Variants in SPTA1 observed in about 807,000 individuals in gnomAD.
SPTA1 encodes the protein spectrin alpha chain, erythrocytic 1.
A neutral mutation model predicts 324.7 loss-of-function variants in SPTA1; 177 were observed. That is an observed-to-expected ratio of 0.55 (90% CI 0.48 to 0.62). The LOEUF is 0.62. Among genes scored for constraint, SPTA1 ranks in the 20% least tolerant of loss-of-function variants. The pLI is 0.00. For missense variants in SPTA1, 3,162 were observed against 2,883.6 expected (o/e 1.10, Z -2.21); for synonymous variants, 1,195 against 1,041.3 (o/e 1.15, Z -2.84).
intron 39 of SPTA1, among the ~76,000 whole-genome samples, chr1:158,633,744 C>G (rs1384455635): frequency 6.6e-6 from 1 of 151,606 alleles, no homozygotes; most frequent in Admixed American, 6.6e-5. Flanking sequence ...TGATAGGAAG[C>G]CTTAAAATGC....
At chr1:158,678,574 G>C in intron 5 of SPTA1, 40 bp from the exon 6 acceptor site, 1 of 1,606,316 alleles carries the variant, frequency 6.2e-7, no homozygotes. Context: ...ACAGAGATGA[G>C]ATTATATTTA....
At chr1:158,671,264 T>C (rs978442406) in intron 12 of SPTA1, 79 bp downstream of exon 12, 17 of 995,784 alleles carry the variant, frequency 1.7e-5, no homozygotes, top group East Asian at 2.5e-5. Context: ...ACAGGAGCAA[T>C]GCTGTCTGGG....
Position 158,666,482 on chromosome 1 carries a change from T to C in SPTA1, c.2054A>G (p.Glu685Gly). 1.9e-6 allele frequency: 3 copies of C among 1,609,536 alleles called. No individual in the cohort carries two copies. The highest frequency in any genetic ancestry group is 2.5e-6 in the Non-Finnish European group (3 of 1,179,950). ...TTCAAATTGCAGCTGCTGGTTGGCCTCATGCAACTGGGTCCCTGGGAGAAG... is the reference window on the plus strand; with the variant it reads ...TTCAAATTGCAGCTGCTGGTTGGCCCCATGCAACTGGGTCCCTGGGAGAAG... ...ATKQKGTQLH[E>G]ANQQLQFENN... The change falls in exon 16 of 52, where the codon GAG becomes GGG. Residue 685 changes from glutamate (E) to glycine (G), a missense_variant. Glu to Gly is a moderately conservative substitution (Grantham distance 98). Coordinates refer to ENST00000643759, the MANE Select transcript of SPTA1 (RefSeq NM_003126.4).
rs1012616361 is a variant in SPTA1 at position 158,639,600 on chromosome 1, T to C, written c.4962A>G (p.Arg1654=). 1.9e-6 allele frequency: 3 copies of C among 1,613,754 alleles called. No homozygotes were observed. The highest frequency in any genetic ancestry group is 2.5e-6 in the Non-Finnish European group (3 of 1,179,884). The change falls in exon 35 of 52, where the codon AGA becomes AGG. Residue 1654 remains arginine, a synonymous_variant. Coordinates refer to ENST00000643759, the MANE Select transcript of SPTA1 (RefSeq NM_003126.4). ...NLLKKHQLLE[R]EMLAREDALK... ...TACTTACCTCTCGAGCCAACATCTCTCTCTCCAATAGCTGATGCTTCTTGA... is the reference window on the plus strand; with the variant it reads ...TACTTACCTCTCGAGCCAACATCTCCCTCTCCAATAGCTGATGCTTCTTGA...
chr1:158,634,401 T>C (rs1329203561), intron 39 of SPTA1, 142 bp downstream of exon 39: 3 of 1,294,700 alleles, frequency 2.3e-6, no homozygotes, highest in Non-Finnish European at 3.3e-6. Flanking sequence ...TTTTTCGTAT[T>C]TAAAACTGTC....
In SPTA1 at chr1:158,639,870, C is replaced by T; in HGVS notation, c.4875G>A (p.Glu1625=). The change falls in exon 34 of 52, where the codon GAG becomes GAA. Residue 1625 remains glutamate, a splice_region_variant and synonymous_variant. Coordinates refer to ENST00000643759, the MANE Select transcript of SPTA1 (RefSeq NM_003126.4). ...SIRDFEFWLS[E]AETLLAMKDQ... ...CTCTACTGTTTCCGGGTGCAATTAC[C>T]TCTGAGAGCCAGAACTCAAAGTCCC... 6.2e-7 allele frequency: 1 copy of T among 1,613,914 alleles called. No homozygotes were observed. The highest frequency in any genetic ancestry group is 1.1e-5 in the South Asian group (1 of 91,070).
In SPTA1 at chr1:158,610,945, G is replaced by A. The variant is rs561434223; in HGVS notation, c.*319C>T. ...AAAAGAATTACTTTATTCTATAATC[G>A]GAATAAAGCAAAATGATAAAGACGT... is the stretch of plus-strand genomic sequence containing the variant. On this transcript the variant is annotated 3_prime_UTR_variant, in exon 52 of 52. Transcript: ENST00000643759. 6.1e-5 allele frequency: 15 copies of A among 247,264 alleles called. No homozygotes were observed. Among genetic ancestry groups the A allele is most frequent in the Middle Eastern group, 1.5e-3 (1 of 686 alleles). The allele number at this position is 247,264 out of a possible 1,614,324, so 15.3% of individuals were successfully genotyped here. A position where few individuals can be genotyped will look rare whatever the true frequency, so the allele number is the denominator to read the frequency against.
Position 158,653,333 on chromosome 1 carries a change from T to G in SPTA1, c.3129A>C (p.Pro1043=), listed in dbSNP as rs780137333. The G allele has an allele frequency of 6.2e-7, 1 of 1,614,108 alleles. No individual in the cohort carries two copies. Among genetic ancestry groups the G allele is most frequent in the Non-Finnish European group, 8.5e-7 (1 of 1,180,006 alleles). ...RLAHDEFPML[P]QRRREEPGNI... is the part of the protein sequence containing the mutation. ...TTCCTGGCTCTTCTCGTCGCCGCTG[T>G]GGGAGCATCGGGAACTCATCGTGGG... Residue 1043 remains proline, a synonymous_variant, in exon 22 of 52, where the codon CCA becomes CCC. Transcript: ENST00000643759.
At chr1:158,676,356 C>A in intron 7 of SPTA1, 61 bp from the exon 8 acceptor site, 1 of 1,581,378 alleles carries the variant, frequency 6.3e-7, no homozygotes, top group East Asian at 2.2e-5. Context: ...CCTGGCAAAG[C>A]TTTGTGGGAG....
chr1:158,637,992 C>A (rs202022521), intron 36 of SPTA1, 41 bp downstream of exon 36: 48 of 1,601,028 alleles, frequency 3.0e-5, no homozygotes, highest in Non-Finnish European at 3.8e-5. Flanking sequence ...ATTATCTACT[C>A]GCTTGTATTA....
Position 158,612,891 on chromosome 1 carries a change from T to C in SPTA1, c.7060A>G (p.Ser2354Gly), listed in dbSNP as rs140630986. The change falls in exon 51 of 52, where the codon AGT becomes GGT. Residue 2354 changes from serine (S) to glycine (G), a missense_variant. Transcript: ENST00000643759. ...TGGAAGGCATTCTCTATTTCATCACTGGACTTGATGTTTTCTGACTCCTTG... is the reference window on the plus strand; with the variant it reads ...TGGAAGGCATTCTCTATTTCATCACCGGACTTGATGTTTTCTGACTCCTTG... ...IDKESENIKS[S>G]DEIENAFQAL... 3 of 1,613,906 alleles carry C rather than the reference T, an allele frequency of 1.9e-6. No homozygotes were observed. Among genetic ancestry groups the C allele is most frequent in the African/African-American group, 2.7e-5 (2 of 75,044 alleles).
rs1166227316 is a variant in SPTA1 at position 158,685,254 on chromosome 1, C to G, written c.118G>C (p.Glu40Gln). ...EVLTRYQSFK[E>Q]RVAERGQKLE... ...TTCTGACCCCTCTCAGCGACCCGCT[C>G]CTTGAAACTTTGATACCGAGTCAAC... The change falls in exon 2 of 52, where the codon GAG becomes CAG. Residue 40 changes from glutamate to glutamine, a missense_variant. Physicochemically the swap from Glu to Gln is conservative, Grantham distance 29 (BLOSUM62 2). Coordinates refer to ENST00000643759, the MANE Select transcript of SPTA1 (RefSeq NM_003126.4). The G allele has an allele frequency of 5.6e-6, 9 of 1,613,630 alleles. No homozygotes were observed. Among genetic ancestry groups the G allele is most frequent in the Non-Finnish European group, 5.1e-6 (6 of 1,179,808 alleles).
At position 158,662,831 on chromosome 1, in the gene SPTA1, T is replaced by G. The variant is rs765542759; in HGVS notation, c.2335A>C (p.Lys779Gln). 6.2e-7 allele frequency: 1 copy of G among 1,614,102 alleles called. No homozygotes were observed. Among genetic ancestry groups the G allele is most frequent in the Non-Finnish European group, 8.5e-7 (1 of 1,179,986 alleles). The change falls in exon 17 of 52, where the codon AAA becomes CAA. Residue 779 changes from lysine (K) to glutamine (Q), a missense_variant. Physicochemically the swap from Lys to Gln is moderately conservative, Grantham distance 53 (BLOSUM62 1). Coordinates refer to ENST00000643759, the MANE Select transcript of SPTA1 (RefSeq NM_003126.4). Reference protein sequence around the residue: ...ESLVCRFEALKEPLATRKKKL... With the variant: ...ESLVCRFEALQEPLATRKKKL... ...TTCTTTCGGGTGGCCAGTGGCTCTT[T>G]CAGAGCTTCAAATCGGCATACCAAG...
chr1:158,642,258 A>T (rs535398587), intron 33 of SPTA1, among the ~76,000 whole-genome samples, 153 bp downstream of exon 33: 21 of 152,246 alleles, frequency 1.4e-4, no homozygotes, highest in African/African-American at 5.1e-4. Context: ...ATGTATACAT[A>T]TGTAACAAAC....
At chr1:158,681,421 A>G in intron 4 of SPTA1, 106 bp downstream of exon 4, 3 of 1,573,918 alleles carry the variant, frequency 1.9e-6, no homozygotes, top group Non-Finnish European at 2.6e-6. Flanking sequence ...CAAAGCCAGG[A>G]ACAGACATCC....
chr1:158,657,509 T>C lies in SPTA1; in HGVS notation c.2773A>G (p.Thr925Ala), dbSNP rs961789799. ...GCTTCTTCATCAGCACCATAGTTAGTATTATCTACAATAGGTTCCTTCTCT... is the reference window on the plus strand; with the variant it reads ...GCTTCTTCATCAGCACCATAGTTAGCATTATCTACAATAGGTTCCTTCTCT... Reference protein sequence around the residue: ...IREKEPIVDNTNYGADEEAAG... With the variant: ...IREKEPIVDNANYGADEEAAG... Residue 925 changes from threonine to alanine, a missense_variant, in exon 19 of 52, where the codon ACT (threonine) becomes GCT (alanine). Physicochemically the swap from Thr to Ala is moderately conservative, Grantham distance 58 (BLOSUM62 0). Coordinates refer to ENST00000643759, the MANE Select transcript of SPTA1 (RefSeq NM_003126.4). 6.2e-7 allele frequency: 1 copy of C among 1,613,986 alleles called. No individual in the cohort carries two copies. The highest frequency in any genetic ancestry group is 8.5e-7 in the Non-Finnish European group (1 of 1,179,944).
chr1:158,643,217 C>G, intron 31 of SPTA1, 105 bp downstream of exon 31: 1 of 1,380,302 alleles, frequency 7.2e-7, no homozygotes, highest in Non-Finnish European at 1.0e-6. Flanking sequence ...GTTTTAGTCA[C>G]CTAGAAATGA....
intron 24 of SPTA1, among the ~76,000 whole-genome samples, 164 bp downstream of exon 24, chr1:158,651,203 A>C (rs1652403997): frequency 6.6e-6 from 1 of 152,210 alleles, no homozygotes; most frequent in Admixed American, 6.5e-5. Context: ...TACAGGGACT[A>C]TTTGGGCTAT....
At chr1:158,651,251 G>A in intron 24 of SPTA1, 116 bp downstream of exon 24, 1 of 773,408 alleles carries the variant, frequency 1.3e-6, no homozygotes, top group Non-Finnish European at 2.4e-6. Context: ...CCATACTGCT[G>A]TTACCTTCTG....
Sources: gnomAD v4.1 joint callset for allele counts (sites outside exome capture counted in the v4.1 genomes callset) on GRCh38, gnomAD v4.1.1 for gene constraint, MANE v1.5 for transcripts, NCBI Gene and HGNC (gene_info 2026-07-23, HGNC 2026-07-21) for gene names.